TAF3: variants seen among roughly 807,000 people sequenced by gnomAD.
TAF3 encodes transcription initiation factor TFIID subunit 3.
A neutral mutation model predicts 80.6 loss-of-function variants in TAF3; 7 were observed. The ratio of observed to expected loss-of-function variants is 0.09; its 90% confidence interval spans 0.05 to 0.16. The LOEUF is 0.16. Among genes scored for constraint, TAF3 ranks in the 10% least tolerant of loss-of-function variants. TAF3 has a pLI of 1.00. For missense variants in TAF3, 921 were observed against 1,140.2 expected (o/e 0.81, Z 2.77); for synonymous variants, 444 against 446.1 (o/e 1.00, Z 0.06).
At chr10:8,007,996 A>G (rs918740219) in intron 4 of TAF3, among the ~76,000 whole-genome samples, 2 of 151,896 alleles carry the variant, frequency 1.3e-5, no homozygotes, top group Non-Finnish European at 2.9e-5. Context: ...GCAGGGTCAC[A>G]GTACCACAGC....
intron 2 of TAF3, among the ~76,000 whole-genome samples, chr10:7,879,206 G>A (rs1393733611): frequency 3.3e-5 from 5 of 151,910 alleles, no homozygotes; most frequent in Non-Finnish European, 7.4e-5. Flanking sequence ...TGTTCTATTT[G>A]CCCTTTTTAT....
rs1832093727 is a variant in TAF3 at position 8,015,294 on chromosome 10, A to G, written c.*543A>G. 6.6e-6 allele frequency: 1 copy of G among 152,266 alleles called. No homozygotes were observed. Among genetic ancestry groups the G allele is most frequent in the South Asian group, 2.1e-4 (1 of 4,830 alleles). The allele number at this position is 152,266 out of a possible 1,614,324, so 9.4% of individuals were successfully genotyped here. On this transcript the variant is annotated 3_prime_UTR_variant, in exon 7 of 7. Transcript: ENST00000344293. ...CCCTCCTTCCCCCGTTTTTAGTACT[A>G]ACATGTAAAATGTTCAGGCTTTTGT... is the stretch of plus-strand genomic sequence containing the variant.
intron 2 of TAF3, among the ~76,000 whole-genome samples, chr10:7,847,473 C>G (rs1836982973): frequency 6.6e-6 from 1 of 152,218 alleles, no homozygotes; most frequent in African/African-American, 2.4e-5. Flanking sequence ...AAGACAGAGT[C>G]TTGCCCTGTC....
At position 7,818,508 on chromosome 10, in the gene TAF3, G is replaced by A. The variant is rs1236435509; in HGVS notation, c.-202G>A. The A allele has an allele frequency of 1.2e-5, 6 of 500,070 alleles. No homozygotes were observed. Among genetic ancestry groups the A allele is most frequent in the Non-Finnish European group, 2.1e-5 (6 of 289,254 alleles). 31.0% of individuals were successfully genotyped at this position (500,070 alleles called of 1,614,324 possible). A position where few individuals can be genotyped will look rare whatever the true frequency, so the allele number is the denominator to read the frequency against. ...TGCCTCGCCCCGGCGGCCGTCCAGC[G>A]GGAGGCGGAGCGAGTCCAAAATGGC... On this transcript the variant is annotated 5_prime_UTR_variant, in exon 1 of 7. Coordinates refer to ENST00000344293, the MANE Select transcript of TAF3 (RefSeq NM_031923.4).
chr10:7,988,572 C>CAGAAAAA (rs1831800712), intron 4 of TAF3, among the ~76,000 whole-genome samples: 1 of 49,270 alleles, frequency 2.0e-5, no homozygotes, highest in East Asian at 8.5e-4. Context: ...GACCCTGTCT[C>CAGAAAAA]AAAAAAAAAA....
intron 4 of TAF3, among the ~76,000 whole-genome samples, chr10:7,995,622 C>T (rs1295974451): frequency 6.6e-6 from 1 of 152,100 alleles, no homozygotes; most frequent in South Asian, 2.1e-4. Context: ...TCTATAATGG[C>T]TATATTTTCC....
intron 2 of TAF3, among the ~76,000 whole-genome samples, chr10:7,903,326 A>C (rs1020295621): frequency 6.6e-6 from 1 of 152,184 alleles, no homozygotes; most frequent in Non-Finnish European, 1.5e-5. Flanking sequence ...GTCCTTTGAC[A>C]AGTGTCCATC....
At chr10:7,873,914 C>T (rs747207026) in intron 2 of TAF3, among the ~76,000 whole-genome samples, 1 of 152,164 alleles carries the variant, frequency 6.6e-6, no homozygotes, top group Non-Finnish European at 1.5e-5. Context: ...CTTAGGTTCC[C>T]TGTATCATCT....
At chr10:7,971,242 T>G (rs12263118) in intron 3 of TAF3, among the ~76,000 whole-genome samples, 5,184 of 152,264 alleles carry the variant, frequency 0.034, 305 homozygotes, top group African/African-American at 0.12. Flanking sequence ...TTACTTAGAC[T>G]GTGTTTCTAA....
At chr10:7,918,925 C>T (rs1445623342) in intron 2 of TAF3, among the ~76,000 whole-genome samples, 1 of 152,140 alleles carries the variant, frequency 6.6e-6, no homozygotes, top group Admixed American at 6.5e-5. Context: ...GAGGCACTCA[C>T]CTCACCTCCG....
At chr10:8,003,129 G>C (rs1009759993) in intron 4 of TAF3, among the ~76,000 whole-genome samples, 51 of 152,036 alleles carry the variant, frequency 3.4e-4, no homozygotes, top group African/African-American at 1.2e-3. Flanking sequence ...CCTTTTATGT[G>C]ATATAATCAT....
intron 2 of TAF3, among the ~76,000 whole-genome samples, chr10:7,886,771 C>A (rs918497635): frequency 3.9e-5 from 6 of 152,174 alleles, no homozygotes; most frequent in African/African-American, 1.4e-4. Flanking sequence ...GAGAGATGCA[C>A]TTTCGTATTT....
intron 2 of TAF3, among the ~76,000 whole-genome samples, chr10:7,868,650 T>C (rs557388469): frequency 1.3e-5 from 2 of 152,336 alleles, no homozygotes; most frequent in South Asian, 4.1e-4. Flanking sequence ...CATTTCCTCT[T>C]ATGGAAAATA....
chr10:7,873,627 C>CCG (rs905657496), intron 2 of TAF3, among the ~76,000 whole-genome samples: 9 of 149,054 alleles, frequency 6.0e-5, no homozygotes, highest in Non-Finnish European at 1.3e-4. Flanking sequence ...TCCCCCCCCC[C>CCG]CCGTCAAAAG....
intron 2 of TAF3, among the ~76,000 whole-genome samples, chr10:7,905,073 G>A (rs1837594754): frequency 6.6e-6 from 1 of 152,150 alleles, no homozygotes. Flanking sequence ...AAGGCTCCAA[G>A]TAGTAGGAGG....
At chr10:7,997,803 G>A (rs1463054575) in intron 4 of TAF3, among the ~76,000 whole-genome samples, 3 of 152,214 alleles carry the variant, frequency 2.0e-5, no homozygotes, top group South Asian at 4.2e-4. Flanking sequence ...GGATACTTCA[G>A]AGAGAAAAAT....
chr10:7,885,197 A>C (rs61603836), intron 2 of TAF3, among the ~76,000 whole-genome samples: 1 of 151,822 alleles, frequency 6.6e-6, no homozygotes, highest in Non-Finnish European at 1.5e-5. Flanking sequence ...AAGCCACTGA[A>C]TTGCATACTT....
chr10:7,830,555 C>T (rs1588515351), intron 2 of TAF3, among the ~76,000 whole-genome samples: 1 of 133,040 alleles, frequency 7.5e-6, no homozygotes, highest in South Asian at 2.4e-4. Context: ...GCAATCTCGG[C>T]TCACTGCAAA....
chr10:7,836,303 T>C (rs1836851611), intron 2 of TAF3, among the ~76,000 whole-genome samples: 1 of 151,786 alleles, frequency 6.6e-6, no homozygotes, highest in Non-Finnish European at 1.5e-5. Flanking sequence ...CTTTTTTTTT[T>C]TTTTGAGACG....
Sources: gnomAD v4.1 joint callset for allele counts (sites outside exome capture counted in the v4.1 genomes callset) on GRCh38, gnomAD v4.1.1 for gene constraint, MANE v1.5 for transcripts, NCBI Gene and HGNC (gene_info 2026-07-23, HGNC 2026-07-21) for gene names.